Variants in UTRN observed in about 807,000 individuals in gnomAD.
UTRN encodes dystrophin-related protein 1.
UTRN carries 283 observed loss-of-function variants against 463.9 expected under a neutral mutation model. The observed-to-expected ratio is 0.61, with a 90% CI of 0.55 to 0.67. The LOEUF (loss-of-function observed/expected upper bound fraction) is 0.67, where lower values mean the gene tolerates loss of function less well. Ranked by LOEUF, UTRN falls within the 30% of genes least tolerant of loss-of-function variation. The pLI is 0.00. For missense variants in UTRN, 3,922 were observed against 4,084.3 expected, an observed-to-expected ratio of 0.96 and a Z score of 1.08; for synonymous variants, 1,442 against 1,431.5, an observed-to-expected ratio of 1.01 and a Z score of -0.17.
chr6:144,544,325 C>A (rs1798217813), intron 46 of UTRN, among the ~76,000 whole-genome samples: 2 of 152,158 alleles, frequency 1.3e-5, no homozygotes, highest in South Asian at 4.1e-4. Context: ...AATGCATTCA[C>A]AATGTTGTAC....
At chr6:144,404,699 G>A (rs1405981318) in intron 3 of UTRN, among the ~76,000 whole-genome samples, 1 of 152,130 alleles carries the variant, frequency 6.6e-6, no homozygotes, top group Non-Finnish European at 1.5e-5. Context: ...ATTTGAAACT[G>A]GGTAAATTAC....
intron 27 of UTRN, among the ~76,000 whole-genome samples, chr6:144,485,149 C>T (rs1792306226): frequency 6.6e-6 from 1 of 152,034 alleles, no homozygotes; most frequent in Non-Finnish European, 1.5e-5. Context: ...TGGTCTTAAT[C>T]TCCTGACCTC....
chr6:144,741,587 A>G (rs1039160545), intron 54 of UTRN, among the ~76,000 whole-genome samples: 1 of 152,036 alleles, frequency 6.6e-6, no homozygotes, highest in Non-Finnish European at 1.5e-5. Flanking sequence ...TTTTATTGCC[A>G]CCTGCCTGCC....
rs993262682 is a variant in UTRN at position 144,453,708 on chromosome 6, T to G, written c.2197-74T>G. On this transcript the variant is annotated intron_variant, in intron 18 of 74. Coordinates refer to ENST00000367545, the MANE Select transcript of UTRN (RefSeq NM_007124.3). ...AAAGAATGTAGGAGGGCCATTCAAC[T>G]TAAACATTTAAAACAGCAACATTAT... 3.0e-6 allele frequency: 4 copies of G among 1,339,260 alleles called. No homozygotes were observed. The African/African-American group carries it at 5.8e-5, about 20-fold the overall frequency. 83.0% of individuals were successfully genotyped at this position (1,339,260 alleles called of 1,614,324 possible).
At chr6:144,510,921 G>C (rs749005552) in intron 34 of UTRN, 23 bp from the exon 35 acceptor site, 3 of 1,533,572 alleles carry the variant, frequency 2.0e-6, no homozygotes, top group East Asian at 4.7e-5. Context: ...CATCAAGTAG[G>C]TCTTGGTGTT....
chr6:144,824,611 TATC>T (rs1562955122), intron 66 of UTRN, among the ~76,000 whole-genome samples: 542 of 43,922 alleles, frequency 0.012, 2 homozygotes, highest in Non-Finnish European at 0.014. Context: ...TATATATATA[TATC>T]TTTTTTTTTT....
At chr6:144,618,780 ATTAG>A (rs1273505551) in intron 51 of UTRN, among the ~76,000 whole-genome samples, 1 of 152,120 alleles carries the variant, frequency 6.6e-6, no homozygotes, top group Admixed American at 6.5e-5. Context: ...TATATGCTAT[ATTAG>A]TTAAAGCTAA....
chr6:144,285,431 G>T lies in UTRN; in HGVS notation c.-483G>T, dbSNP rs1234070524. Among the ~76,000 whole-genome samples, 1 of 152,226 alleles carries T rather than the reference G, an allele frequency of 6.6e-6. No homozygotes were observed. The highest frequency in any genetic ancestry group is 1.5e-5 in the Non-Finnish European group (1 of 68,030). Reference sequence around the variant, plus strand: ...GAGCCTCTGGCTCCAGAAGCCGATTGGGGAATCACGGGGAGCGGCGCCCCC... The same window carrying T: ...GAGCCTCTGGCTCCAGAAGCCGATTTGGGAATCACGGGGAGCGGCGCCCCC... On this transcript the variant is annotated 5_prime_UTR_variant, in exon 1 of 75. Coordinates refer to ENST00000367545, the MANE Select transcript of UTRN (RefSeq NM_007124.3).
Position 144,451,446 on chromosome 6 carries a change from G to A in UTRN, c.2149G>A (p.Glu717Lys). ...KTAIQTTEIK[E>K]YMKMQDTSEM... ...TGCCATTCAGACCACAGAGATAAAAGAGTATATGAAGATGCAAGACACTTC... is the reference window on the plus strand; with the variant it reads ...TGCCATTCAGACCACAGAGATAAAAAAGTATATGAAGATGCAAGACACTTC... The change falls in exon 18 of 75, where the codon GAG (glutamate) becomes AAG (lysine). Residue 717 changes from glutamate (E) to lysine (K), a missense_variant. Around this residue, in one of 3 missense-constraint regions of UTRN, gnomAD observed 2,349 missense variants for 2,303.8 expected, o/e 1.02. Coordinates refer to ENST00000367545, the MANE Select transcript of UTRN (RefSeq NM_007124.3). 6.2e-7 allele frequency: 1 copy of A among 1,613,126 alleles called. No homozygotes were observed. The highest frequency in any genetic ancestry group is 8.5e-7 in the Non-Finnish European group (1 of 1,179,754).
rs1173347842 is a variant in UTRN, at chr6:144,426,380, T to C, written c.499T>C (p.Tyr167His). ...CTGGGTGCGTCAGACCACCAGGCCC[T>C]ACAGCCAAGTCAACGTCCTCAACTT... ...LSWVRQTTRP[Y>H]SQVNVLNFTT... The change falls in exon 7 of 75, where the codon TAC becomes CAC. Residue 167 changes from tyrosine to histidine, a missense_variant. Physicochemically the swap from Tyr to His is moderately conservative, Grantham distance 83 (BLOSUM62 2). This residue lies in a region of UTRN where 264 missense variants were observed against 327.9 expected (regional missense o/e 0.81). Coordinates refer to ENST00000367545, the MANE Select transcript of UTRN (RefSeq NM_007124.3). The C allele has an allele frequency of 6.2e-7, 1 of 1,614,188 alleles. No homozygotes were observed. Among genetic ancestry groups the C allele is most frequent in the Non-Finnish European group, 8.5e-7 (1 of 1,180,026 alleles).
intron 2 of UTRN, among the ~76,000 whole-genome samples, chr6:144,358,522 G>A (rs1054766825): frequency 6.6e-6 from 1 of 152,210 alleles, no homozygotes; most frequent in Non-Finnish European, 1.5e-5. Context: ...AGAATTTAAA[G>A]CACCAACATT....
At chr6:144,555,048 G>T (rs140791998) in intron 49 of UTRN, among the ~76,000 whole-genome samples, 155 bp downstream of exon 49, 1 of 152,106 alleles carries the variant, frequency 6.6e-6, no homozygotes. Context: ...TGATCTGGAA[G>T]ATTTTTTTCG....
At chr6:144,785,665 C>T (rs1776234677) in intron 61 of UTRN, among the ~76,000 whole-genome samples, 1 of 152,104 alleles carries the variant, frequency 6.6e-6, no homozygotes. Flanking sequence ...GTTCTGGTTG[C>T]TGTGTGAGTT....
rs539640568 is a variant in UTRN, at chr6:144,850,876, T to A, written c.10294-113T>A. Reference sequence around the variant, plus strand: ...TCATTGCAGGAAGCAAAAGTCACAGTAGAGTTAAGACTCTTGAAAGAAGCA... The same window carrying A: ...TCATTGCAGGAAGCAAAAGTCACAGAAGAGTTAAGACTCTTGAAAGAAGCA... On this transcript the variant is annotated intron_variant, in intron 74 of 74. Transcript: ENST00000367545. The A allele has an allele frequency of 4.3e-5, 61 of 1,426,736 alleles. No homozygotes were observed. In the African/African-American group the frequency reaches 8.3e-4, roughly 19 times the overall value. The allele number at this position is 1,426,736 out of a possible 1,614,324, so 88.4% of individuals were successfully genotyped here. A position where few individuals can be genotyped will look rare whatever the true frequency, so the allele number is the denominator to read the frequency against.
At chr6:144,516,443 TTCATTTTTACATCAA>T (rs1358944958) in intron 38 of UTRN, 56 bp downstream of exon 38, 3 of 1,544,448 alleles carry the variant, frequency 1.9e-6, no homozygotes, top group Non-Finnish European at 2.6e-6. Flanking sequence ...CTCTATTAAT[TTCATTTTTACATCAA>T]GATGTTTGCC....
At chr6:144,671,127 T>A (rs1436474721) in intron 51 of UTRN, among the ~76,000 whole-genome samples, 2 of 143,452 alleles carry the variant, frequency 1.4e-5, no homozygotes, top group African/African-American at 5.4e-5. Context: ...GGGTCCTTTT[T>A]GCTTCCATAT....
chr6:144,534,165 A>G (rs1242014754), intron 43 of UTRN, among the ~76,000 whole-genome samples: 1 of 152,218 alleles, frequency 6.6e-6, no homozygotes, highest in African/African-American at 2.4e-5. Context: ...TAAAAAATCT[A>G]TTATTTTGTG....
At chr6:144,547,350 G>T (rs1798508030) in intron 46 of UTRN, among the ~76,000 whole-genome samples, 1 of 151,954 alleles carries the variant, frequency 6.6e-6, no homozygotes, top group Non-Finnish European at 1.5e-5. Context: ...CTTTACTTAT[G>T]GTGCTCTTTG....
At chr6:144,843,235 T>C (rs540920921) in intron 73 of UTRN, among the ~76,000 whole-genome samples, 1 of 152,094 alleles carries the variant, frequency 6.6e-6, no homozygotes, top group Non-Finnish European at 1.5e-5. Flanking sequence ...TAAAAGTCAG[T>C]TGGCAGTGAC....
Sources: gnomAD v4.1 joint callset for allele counts (sites outside exome capture counted in the v4.1 genomes callset) on GRCh38, gnomAD v4.1.1 for gene constraint, gnomAD v4.1.1 regional missense constraint, MANE v1.5 for transcripts, NCBI Gene and HGNC (gene_info 2026-07-23, HGNC 2026-07-21) for gene names.